The following BAHCC1 variants were observed in gnomAD, a reference collection of about 807,000 sequenced individuals.
BAHCC1 encodes the protein BAH and coiled-coil domain-containing protein 1.
Under a neutral mutation model 88.2 loss-of-function variants are expected in BAHCC1, and 43 were observed. That is an observed-to-expected ratio of 0.49 (90% CI 0.38 to 0.63). BAHCC1 has a LOEUF of 0.63. BAHCC1 is among the 20% of genes least tolerant of loss of function. BAHCC1 has a pLI of 0.00. For synonymous variants in BAHCC1, 1,510 were observed against 745.5 expected, an observed-to-expected ratio of 2.03 and a Z score of -16.71; for missense variants, 3,023 against 1,654.8, an observed-to-expected ratio of 1.83 and a Z score of -14.34.
chr17:81,426,760 G>A, intron 2 of BAHCC1, 40 bp from the exon 3 acceptor site: 1 of 398,486 alleles, frequency 2.5e-6, no homozygotes, highest in Non-Finnish European at 4.4e-6. Context: ...GCCACACCCT[G>A]GGAGCTGCCC....
chr17:81,421,712 C>G (rs2064117748), intron 2 of BAHCC1, among the ~76,000 whole-genome samples: 3 of 152,212 alleles, frequency 2.0e-5, no homozygotes, highest in Admixed American at 2.0e-4. Context: ...AGGCTCTTCC[C>G]CTGCCTGGTC....
chr17:81,418,443 G>C (rs1021083696), intron 2 of BAHCC1, among the ~76,000 whole-genome samples: 2 of 152,226 alleles, frequency 1.3e-5, no homozygotes, highest in Non-Finnish European at 2.9e-5. Flanking sequence ...GCTGTGCCGG[G>C]TCAGGGTCTG....
intron 11 of BAHCC1, among the ~76,000 whole-genome samples, chr17:81,449,831 G>A (rs540388489): frequency 6.6e-6 from 1 of 152,272 alleles, no homozygotes; most frequent in East Asian, 1.9e-4. Flanking sequence ...TCTTAGTAAT[G>A]ACTTCTGGGG....
chr17:81,395,974 G>C (rs1481303191), intron 1 of BAHCC1: 1 of 152,228 alleles, frequency 6.6e-6, no homozygotes, highest in African/African-American at 2.4e-5. Context: ...ACAGGACAGG[G>C]ACCGCCAGGC....
At chr17:81,418,827 G>GTGTGTGTGTA (rs1568003512) in intron 2 of BAHCC1, among the ~76,000 whole-genome samples, 1 of 148,240 alleles carries the variant, frequency 6.7e-6, no homozygotes, top group African/African-American at 2.6e-5. Flanking sequence ...GTGTGTGTGT[G>GTGTGTGTGTA]TGTGTAGCCA....
chr17:81,409,973 G>A (rs1598455370), intron 2 of BAHCC1: 1 of 237,028 alleles, frequency 4.2e-6, no homozygotes, highest in South Asian at 3.3e-5. Context: ...GCCCTGCCAA[G>A]CCACCTTGGC....
At chr17:81,402,226 C>G (rs556204488) in intron 2 of BAHCC1, 2 of 152,188 alleles carry the variant, frequency 1.3e-5, no homozygotes, top group African/African-American at 4.8e-5. Flanking sequence ...CGCTTGTGCT[C>G]GGAGATGTTC....
At chr17:81,419,251 G>A (rs1158953645) in intron 2 of BAHCC1, among the ~76,000 whole-genome samples, 1 of 152,190 alleles carries the variant, frequency 6.6e-6, no homozygotes, top group Non-Finnish European at 1.5e-5. Context: ...GCAGAGCCTG[G>A]TCTCCCCACC....
In BAHCC1 at chr17:81,444,794, A is replaced by G. The variant is rs781920438; in HGVS notation, c.2639A>G (p.Glu880Gly). ...ACACAGCTGGTCATCCTGCCCTCAG[A>G]GCCCACACCCCACAGCGCCCCCCAC... ...APTQLVILPS[E>G]PTPHSAPHAL... Residue 880 changes from glutamate to glycine, a missense_variant, in exon 8 of 28, where the codon GAG becomes GGG. Physicochemically the swap from Glu to Gly is moderately conservative, Grantham distance 98 (BLOSUM62 -2). Transcript: ENST00000675386. The G allele has an allele frequency of 1.3e-6, 1 of 778,264 alleles. No homozygotes were observed. Among genetic ancestry groups the G allele is most frequent in the Non-Finnish European group, 2.4e-6 (1 of 417,366 alleles). 48.2% of individuals were successfully genotyped at this position (778,264 alleles called of 1,614,324 possible). A position where few individuals can be genotyped will look rare whatever the true frequency, so the allele number is the denominator to read the frequency against.
At chr17:81,397,393 G>A (rs34070856) in intron 1 of BAHCC1, among the ~76,000 whole-genome samples, 2,866 of 121,966 alleles carry the variant, frequency 0.023, 101 homozygotes, top group African/African-American at 0.074. Flanking sequence ...TCTTATTGGA[G>A]AGAAAAAAAA....
At chr17:81,410,385 C>G (rs1555647664) in intron 2 of BAHCC1, among the ~76,000 whole-genome samples, 2 of 152,238 alleles carry the variant, frequency 1.3e-5, no homozygotes, top group Non-Finnish European at 2.9e-5. Flanking sequence ...GGCCTTGAGG[C>G]CTTAGTCTGG....
At chr17:81,453,633 G>T (rs1432048568) in intron 14 of BAHCC1, among the ~76,000 whole-genome samples, 7 of 147,842 alleles carry the variant, frequency 4.7e-5, no homozygotes, top group Non-Finnish European at 1.0e-4. Flanking sequence ...GGTGTCTCCT[G>T]GGGGGGGGTC....
chr17:81,434,618 C>G lies in BAHCC1; in HGVS notation c.359-3752C>G, dbSNP rs2064311174. On this transcript the variant is annotated intron_variant, in intron 3 of 27. Transcript: ENST00000675386. The surrounding 1 kb of genome is among the most constrained non-coding windows in gnomAD (Gnocchi z 4.9). Reference sequence around the variant, plus strand: ...CCCTGACCCCCCAGGTGATCTTGGTCCTTCTGCTGGCTGGCGTCCCTCCCT... The same window carrying G: ...CCCTGACCCCCCAGGTGATCTTGGTGCTTCTGCTGGCTGGCGTCCCTCCCT... 6.6e-6 allele frequency among the ~76,000 whole-genome samples: 1 copy of G among 152,124 alleles called. No individual in the cohort carries two copies. The highest frequency in any genetic ancestry group is 2.1e-4 in the South Asian group (1 of 4,828).
chr17:81,412,762 G>T (rs2063970622), intron 2 of BAHCC1, among the ~76,000 whole-genome samples: 1 of 152,266 alleles, frequency 6.6e-6, no homozygotes, highest in Non-Finnish European at 1.5e-5. Flanking sequence ...TCACAACTGG[G>T]TAGCTTAAAA....
chr17:81,395,799 T>C (rs1258300615), intron 1 of BAHCC1, 164 bp downstream of exon 1: 2 of 125,692 alleles, frequency 1.6e-5, no homozygotes, highest in East Asian at 2.8e-4. Flanking sequence ...TCCGTTAAAA[T>C]GTTGAGGCTT....
intron 2 of BAHCC1, among the ~76,000 whole-genome samples, chr17:81,412,707 T>C (rs1175311891): frequency 6.6e-6 from 1 of 152,236 alleles, no homozygotes; most frequent in Non-Finnish European, 1.5e-5. Flanking sequence ...CCTGTGGCTC[T>C]GTCTCTTCCC....
At chr17:81,462,547 G>A in intron 26 of BAHCC1, 193 bp from the exon 27 acceptor site, 1 of 580,202 alleles carries the variant, frequency 1.7e-6, no homozygotes, top group Non-Finnish European at 3.1e-6. Flanking sequence ...GTGGAGGCGT[G>A]GCCCCTGCTC....
Position 81,399,091 on chromosome 17 carries a change from CT to C in BAHCC1, c.-206-440del. On this transcript the variant is annotated intron_variant, in intron 1 of 27. Coordinates refer to ENST00000675386, the MANE Select transcript of BAHCC1 (RefSeq NM_001377448.1). This position sits in a 1 kb window ranked among gnomAD's most constrained non-coding sequence, Gnocchi z 4.5. ...CCCCAGGCCTTTTCCTCCGAGACAC[CT>C]TTGGGCAGCGGGGGAGGGGAGAGGG... is the stretch of plus-strand genomic sequence containing the variant. 1 of 227,934 alleles carries C rather than the reference CT, an allele frequency of 4.4e-6. No homozygotes were observed. Among genetic ancestry groups the C allele is most frequent in the Non-Finnish European group, 9.8e-6 (1 of 101,780 alleles). The allele number at this position is 227,934 out of a possible 1,614,324, so 14.1% of individuals were successfully genotyped here.
At chr17:81,460,210 GC>G (rs2030125789) in intron 23 of BAHCC1, 66 bp from the exon 24 acceptor site, 1 of 701,656 alleles carries the variant, frequency 1.4e-6, no homozygotes, top group East Asian at 2.7e-5. Flanking sequence ...GGCTTTGGCA[GC>G]CCCGCCTCCC....
Sources: allele counts gnomAD v4.1 joint callset (sites outside exome capture counted in the v4.1 genomes callset), GRCh38; gene constraint gnomAD v4.1.1; non-coding constraint Gnocchi (gnomAD v3.1); transcripts MANE v1.5; gene names NCBI Gene and HGNC (gene_info 2026-07-23, HGNC 2026-07-21).